The following CWC25 variants were observed in gnomAD, a reference collection of about 807,000 sequenced individuals.
CWC25 encodes CWC25 spliceosome associated protein.
Under a neutral mutation model 54.6 loss-of-function variants are expected in CWC25, and 31 were observed. That is an observed-to-expected ratio of 0.57 (90% confidence interval 0.43 to 0.77). The LOEUF (loss-of-function observed/expected upper bound fraction) is 0.77. Among genes scored for constraint, CWC25 ranks in the 30% least tolerant of loss-of-function variants. The pLI is 0.00. For missense variants in CWC25, 453 were observed against 529.3 expected (o/e 0.86, Z 1.41); for synonymous variants, 151 against 187.0 (o/e 0.81, Z 1.57).
intron 1 of CWC25, among the ~76,000 whole-genome samples, chr17:38,824,918 G>A (rs575466892): frequency 7.2e-5 from 11 of 152,102 alleles, no homozygotes; most frequent in African/African-American, 2.7e-4. Flanking sequence ...ATTTACAGCC[G>A]GTAGAGCCGC....
chr17:38,812,357 T>C (rs1034456714), intron 4 of CWC25, among the ~76,000 whole-genome samples: 7 of 152,146 alleles, frequency 4.6e-5, no homozygotes, highest in African/African-American at 1.7e-4. Flanking sequence ...ACATGGTGCA[T>C]TCTCCCACCC....
At chr17:38,817,027 G>C (rs542076941) in intron 2 of CWC25, among the ~76,000 whole-genome samples, 7 of 151,506 alleles carry the variant, frequency 4.6e-5, no homozygotes, top group Non-Finnish European at 8.8e-5. Context: ...ATGAGTCTGA[G>C]AAACACTGTA....
chr17:38,815,993 T>TA (rs1363946511), intron 2 of CWC25, among the ~76,000 whole-genome samples: 1 of 152,112 alleles, frequency 6.6e-6, no homozygotes, highest in Non-Finnish European at 1.5e-5. Flanking sequence ...CACAAGTGAA[T>TA]AAACCCTGGT....
intron 3 of CWC25, among the ~76,000 whole-genome samples, chr17:38,814,244 A>C (rs1213104661): frequency 6.6e-6 from 1 of 151,822 alleles, no homozygotes; most frequent in Non-Finnish European, 1.5e-5. Context: ...TGGTTGCACA[A>C]CACTTTGACT....
At chr17:38,817,084 T>C (rs1479565227) in intron 2 of CWC25, among the ~76,000 whole-genome samples, 1 of 151,330 alleles carries the variant, frequency 6.6e-6, no homozygotes, top group Non-Finnish European at 1.5e-5. Flanking sequence ...CTCACACTTA[T>C]AATCCTAGAA....
At chr17:38,807,343 GAAAA>G (rs1911296038) in intron 6 of CWC25, among the ~76,000 whole-genome samples, 1 of 103,122 alleles carries the variant, frequency 9.7e-6, no homozygotes, top group Non-Finnish European at 2.1e-5. Flanking sequence ...AAAAAAAAAA[GAAAA>G]GGCAGTGAAA....
In CWC25 at chr17:38,825,150, G is replaced by A; in HGVS notation, c.18+16C>T. ...CCGGCCTCAGTCCTCCCCCGCCCAGGCCTCCCTCCACTCACCAGGTCTCCG... is the reference window on the plus strand; with the variant it reads ...CCGGCCTCAGTCCTCCCCCGCCCAGACCTCCCTCCACTCACCAGGTCTCCG... On this transcript the variant is annotated intron_variant, in intron 1 of 9. Transcript: ENST00000614790. 1 of 1,555,458 alleles carries A rather than the reference G, an allele frequency of 6.4e-7. No individual in the cohort carries two copies. Among genetic ancestry groups the A allele is most frequent in the Non-Finnish European group, 8.7e-7 (1 of 1,151,566 alleles).
chr17:38,803,370 C>T (rs1911103853), intron 8 of CWC25, among the ~76,000 whole-genome samples: 1 of 152,230 alleles, frequency 6.6e-6, no homozygotes, highest in African/African-American at 2.4e-5. Flanking sequence ...TGGCTCACGC[C>T]TGTAATCCCA....
rs761443906 is a variant in CWC25 at position 38,809,655 on chromosome 17, ATCCCACAG to A, written c.690+39_690+46del. On this transcript the variant is annotated intron_variant, in intron 6 of 9. Transcript: ENST00000614790. ...GCTATCCACATTGTCCAAGTGGCACATCCCACAGTCCCACAGTCACTCCTTTCAAGAAG... is the reference window on the plus strand; with the variant it reads ...GCTATCCACATTGTCCAAGTGGCACATCCCACAGTCACTCCTTTCAAGAAG... The A allele has an allele frequency of 7.0e-6, 11 of 1,575,922 alleles. No homozygotes were observed. In the African/African-American group the frequency reaches 1.5e-4, roughly 21 times the overall value.
chr17:38,820,165 G>T (rs1035636208), intron 2 of CWC25, among the ~76,000 whole-genome samples: 1 of 152,148 alleles, frequency 6.6e-6, no homozygotes, highest in African/African-American at 2.4e-5. Flanking sequence ...AAACTCCTGG[G>T]CTCAAGTGAT....
intron 6 of CWC25, among the ~76,000 whole-genome samples, chr17:38,807,183 C>A (rs550250937): frequency 6.6e-6 from 1 of 151,300 alleles, no homozygotes; most frequent in African/African-American, 2.4e-5. Flanking sequence ...ATTAGCTGGG[C>A]GTGGTGGTGG....
At chr17:38,805,201 G>A (rs982484148) in intron 8 of CWC25, among the ~76,000 whole-genome samples, 5 of 152,036 alleles carry the variant, frequency 3.3e-5, no homozygotes, top group African/African-American at 9.7e-5. Context: ...CTTGAACCCC[G>A]GAGGCAGAGG....
chr17:38,815,547 G>A, intron 2 of CWC25: 3 of 659,962 alleles, frequency 4.5e-6, no homozygotes, highest in Non-Finnish European at 7.2e-6. Flanking sequence ...GCCAGACCTT[G>A]TCTCAAATAA....
intron 2 of CWC25, among the ~76,000 whole-genome samples, chr17:38,818,083 C>T (rs909412927): frequency 3.3e-5 from 5 of 149,668 alleles, no homozygotes; most frequent in African/African-American, 1.2e-4. Context: ...CAAGACTAGC[C>T]TGACCAACAT....
intron 6 of CWC25, among the ~76,000 whole-genome samples, chr17:38,807,838 C>A (rs1323667159): frequency 4.4e-5 from 6 of 135,918 alleles, no homozygotes; most frequent in African/African-American, 1.3e-4. Flanking sequence ...GCAGGCAGAT[C>A]ACGAGGCCAG....
rs1327064208 is a variant in CWC25 at position 38,801,842 on chromosome 17, C to G, written c.*250G>C. 1.6e-5 allele frequency: 6 copies of G among 365,910 alleles called. No individual in the cohort carries two copies. The East Asian group carries it at 2.7e-4, about 17-fold the overall frequency. The allele number at this position is 365,910 out of a possible 1,614,324, so 22.7% of individuals were successfully genotyped here. Reference sequence around the variant, plus strand: ...ACAGCCTTCCAGAGTGGCACAAGCACTCCCACCGAGATGGTCCAGTGCCCA... The same window carrying G: ...ACAGCCTTCCAGAGTGGCACAAGCAGTCCCACCGAGATGGTCCAGTGCCCA... On this transcript the variant is annotated 3_prime_UTR_variant, in exon 10 of 10. Transcript: ENST00000614790.
chr17:38,824,250 G>C (rs189637921), intron 1 of CWC25, among the ~76,000 whole-genome samples: 1 of 152,026 alleles, frequency 6.6e-6, no homozygotes, highest in Non-Finnish European at 1.5e-5. Context: ...ACAAATGAAC[G>C]TTTCAGTTTA....
intron 2 of CWC25, among the ~76,000 whole-genome samples, chr17:38,818,588 C>CAAAAAAAA (rs56382375): frequency 1.0e-4 from 5 of 48,498 alleles, no homozygotes; most frequent in Admixed American, 3.9e-4. Context: ...GACTCCATCT[C>CAAAAAAAA]AAAAAAAAAA....
chr17:38,817,192 T>A lies in CWC25; in HGVS notation c.192-2095A>T, dbSNP rs867331627. Among the ~76,000 whole-genome samples, 9 of 149,378 alleles carry A rather than the reference T, an allele frequency of 6.0e-5. No homozygotes were observed. In the South Asian group the frequency reaches 8.5e-4, roughly 14 times the overall value. On this transcript the variant is annotated intron_variant, in intron 2 of 9. Transcript: ENST00000614790. ...CGTCTCTACTAAAAATACAAAAAAC[T>A]AGCCAGGCGTGGTGGTACACGCCTG...
Sources: gnomAD v4.1 joint callset for allele counts (sites outside exome capture counted in the v4.1 genomes callset) on GRCh38, gnomAD v4.1.1 for gene constraint, MANE v1.5 for transcripts, NCBI Gene and HGNC (gene_info 2026-07-23, HGNC 2026-07-21) for gene names.